Variants in ATG7 observed in about 807,000 individuals in gnomAD.
ATG7 encodes the protein ubiquitin-like modifier-activating enzyme ATG7.
A neutral mutation model predicts 82.4 loss-of-function variants in ATG7; 70 were observed. The observed-to-expected ratio is 0.85, with a 90% CI of 0.70 to 1.04. The LOEUF is 1.04. ATG7 is among the 50% of genes least tolerant of loss of function. The pLI, the probability that ATG7 is intolerant of heterozygous loss-of-function variation, is 0.00. For synonymous variants in ATG7, 287 were observed against 313.0 expected (o/e 0.92, Z 0.88); for missense variants, 792 against 864.3 (o/e 0.92, Z 1.05).
chr3:11,549,712 T>A (rs1217008715), intron 20 of ATG7, among the ~76,000 whole-genome samples: 1 of 152,218 alleles, frequency 6.6e-6, no homozygotes, highest in Non-Finnish European at 1.5e-5. Context: ...CTGGCTCAAG[T>A]TTTTCTGTGG....
chr3:11,546,748 G>T (rs982432242), intron 20 of ATG7, among the ~76,000 whole-genome samples: 1 of 152,190 alleles, frequency 6.6e-6, no homozygotes, highest in African/African-American at 2.4e-5. Context: ...CTTGTGATGG[G>T]CCCAATTGAA....
rs369964682 is a variant in ATG7 at position 11,386,037 on chromosome 3, C to A, written c.1956+5985C>A. Among the ~76,000 whole-genome samples, 26 of 152,218 alleles carry A rather than the reference C, an allele frequency of 1.7e-4. No individual in the cohort carries two copies. In the East Asian group the frequency reaches 4.8e-3, roughly 28 times the overall value. On this transcript the variant is annotated intron_variant, in intron 19 of 20. Coordinates refer to ENST00000693202, the MANE Select transcript of ATG7 (RefSeq NM_001349232.2). ...CCGAGCTTTTTAGGGAGTTTCCTAG[C>A]CTAAGGAATCCAGCAGCTGCAGCAG...
At chr3:11,554,759 C>G (rs1292066682) in intron 20 of ATG7, 52 bp from the exon 21 acceptor site, 1 of 1,603,018 alleles carries the variant, frequency 6.2e-7, no homozygotes, top group Admixed American at 1.7e-5. Context: ...TCTGTGTGCC[C>G]CCCACCGGGC....
chr3:11,399,666 C>G lies in ATG7; in HGVS notation c.1956+19614C>G, dbSNP rs553119189. ...CTCGGCTCACTGCAACCTCCACTTC[C>G]CGGGCTCAGACGATTCTCCTGCCTC... On this transcript the variant is annotated intron_variant, in intron 19 of 20. Transcript: ENST00000693202. Among the ~76,000 whole-genome samples the G allele has an allele frequency of 3.3e-5, 5 of 152,232 alleles. 1 individual carries two copies. Among genetic ancestry groups the G allele is most frequent in the African/African-American group, 1.2e-4 (5 of 41,550 alleles).
intron 3 of ATG7, among the ~76,000 whole-genome samples, chr3:11,294,999 C>T (rs1270572631): frequency 1.3e-5 from 2 of 152,202 alleles, no homozygotes; most frequent in Non-Finnish European, 2.9e-5. Flanking sequence ...GTAGTCCCAG[C>T]TACTCAGGAG....
intron 20 of ATG7, among the ~76,000 whole-genome samples, chr3:11,431,816 G>C (rs557922282): frequency 6.6e-6 from 1 of 152,290 alleles, no homozygotes; most frequent in East Asian, 1.9e-4. Flanking sequence ...AAGGAGGAAT[G>C]CAAAGCTGAT....
rs557423074 is a variant in ATG7, at chr3:11,513,103, G to A, written c.2080-41708G>A. Among the ~76,000 whole-genome samples, 118 of 152,322 alleles carry A rather than the reference G, an allele frequency of 7.7e-4. 1 individual carries two copies. Among genetic ancestry groups the A allele is most frequent in the Admixed American group, 5.9e-3 (91 of 15,306 alleles). ...AACCTTGAGCTAGATACAGAGTGCC[G>A]ATTGGTGTATTTACAATCCCCTAGC... On this transcript the variant is annotated intron_variant, in intron 20 of 20. Transcript: ENST00000693202.
At chr3:11,282,923 C>T (rs1943314775) in intron 3 of ATG7, among the ~76,000 whole-genome samples, 1 of 152,184 alleles carries the variant, frequency 6.6e-6, no homozygotes, top group Non-Finnish European at 1.5e-5. Context: ...GTCAGCGGGA[C>T]TTGGTCATGT....
intron 19 of ATG7, among the ~76,000 whole-genome samples, chr3:11,381,554 C>T (rs938675041): frequency 1.3e-5 from 2 of 152,262 alleles, no homozygotes; most frequent in South Asian, 2.1e-4. Context: ...TCTAACTGGG[C>T]GTTCCTTATA....
chr3:11,552,320 G>T (rs116082196), intron 20 of ATG7, among the ~76,000 whole-genome samples: 2,446 of 152,202 alleles, frequency 0.016, 68 homozygotes, highest in African/African-American at 0.055. Flanking sequence ...TTCTCTTGTG[G>T]CAGTGTTTTG....
intron 20 of ATG7, among the ~76,000 whole-genome samples, chr3:11,485,934 G>GGTTA (rs2089580916): frequency 2.0e-5 from 3 of 152,174 alleles, no homozygotes; most frequent in Admixed American, 2.0e-4. Context: ...ATGCTGTTTT[G>GGTTA]GTTACTGTAG....
At chr3:11,352,333 G>C (rs188223407) in intron 14 of ATG7, among the ~76,000 whole-genome samples, 1 of 152,174 alleles carries the variant, frequency 6.6e-6, no homozygotes, top group South Asian at 2.1e-4. Context: ...TGTCTTTATA[G>C]CAGCATGATT....
intron 3 of ATG7, among the ~76,000 whole-genome samples, chr3:11,295,854 TC>T (rs1945814712): frequency 6.6e-6 from 1 of 151,186 alleles, no homozygotes; most frequent in Non-Finnish European, 1.5e-5. Flanking sequence ...TGGCACAATC[TC>T]GGTTCACTGC....
At chr3:11,464,679 C>T (rs2086658380) in intron 20 of ATG7, among the ~76,000 whole-genome samples, 1 of 152,200 alleles carries the variant, frequency 6.6e-6, no homozygotes, top group Admixed American at 6.5e-5. Flanking sequence ...AAAGTTATTT[C>T]TGTGAAAGTC....
intron 3 of ATG7, among the ~76,000 whole-genome samples, chr3:11,296,671 T>G (rs1285371058): frequency 6.6e-6 from 1 of 152,236 alleles, no homozygotes; most frequent in East Asian, 1.9e-4. Flanking sequence ...CTGTGTGTGC[T>G]GCTCCTGCAC....
chr3:11,522,975 C>T (rs115189398), intron 20 of ATG7, among the ~76,000 whole-genome samples: 1 of 152,306 alleles, frequency 6.6e-6, no homozygotes, highest in African/African-American at 2.4e-5. Context: ...CCTGTTTTCT[C>T]ATCTGTAAAA....
chr3:11,291,142 T>G (rs552312975), intron 3 of ATG7, among the ~76,000 whole-genome samples: 65 of 152,380 alleles, frequency 4.3e-4, no homozygotes, highest in Non-Finnish European at 6.3e-4. Context: ...GAAAACAAGT[T>G]ACATTTGTCC....
intron 20 of ATG7, among the ~76,000 whole-genome samples, chr3:11,534,765 G>T (rs1303276472): frequency 6.6e-6 from 1 of 152,206 alleles, no homozygotes; most frequent in East Asian, 1.9e-4. Context: ...CCACCTGGGG[G>T]GAGTCACTGT....
intron 19 of ATG7, among the ~76,000 whole-genome samples, chr3:11,426,408 C>T (rs2082367690): frequency 6.6e-6 from 1 of 152,160 alleles, no homozygotes; most frequent in Non-Finnish European, 1.5e-5. Flanking sequence ...TCGTATGTCA[C>T]ACTTTTTTGA....
Sources: allele counts gnomAD v4.1 joint callset (sites outside exome capture counted in the v4.1 genomes callset), GRCh38; gene constraint gnomAD v4.1.1; transcripts MANE v1.5; gene names NCBI Gene and HGNC (gene_info 2026-07-23, HGNC 2026-07-21).